Variants in CSTPP1 observed in about 807,000 individuals in gnomAD.
CSTPP1 encodes UPF0705 protein C11orf49.
chr11:47,126,890 G>A, the CSTPP1 span, among the ~76,000 whole-genome samples: 3 of 124,954 alleles, frequency 2.4e-5, no homozygotes, highest in Non-Finnish European at 3.4e-5. Context: ...CCAACATGAC[G>A]CCACCGCACT....
chr11:47,074,976 A>C, the CSTPP1 span, among the ~76,000 whole-genome samples: 1 of 152,218 alleles, frequency 6.6e-6, no homozygotes, highest in Admixed American at 6.5e-5. Context: ...AAGAGTTCAC[A>C]GTCTCGTCTG....
At chr11:46,943,009 T>G in the CSTPP1 span, among the ~76,000 whole-genome samples, 3 of 152,240 alleles carry the variant, frequency 2.0e-5, no homozygotes, top group African/African-American at 7.2e-5. Flanking sequence ...CAAATAAATT[T>G]CTTGGGAACA....
At chr11:47,016,998 A>C in the CSTPP1 span, among the ~76,000 whole-genome samples, 1 of 146,414 alleles carries the variant, frequency 6.8e-6, no homozygotes, top group Non-Finnish European at 1.5e-5. Context: ...GCCCACCACC[A>C]CGCCTGGCTA....
At chr11:47,092,830 C>T in the CSTPP1 span, among the ~76,000 whole-genome samples, 52 of 152,160 alleles carry the variant, frequency 3.4e-4, no homozygotes, top group African/African-American at 1.2e-3. Flanking sequence ...TGGAACAGAC[C>T]CCTTACAATT....
At chr11:46,986,462 C>CT in the CSTPP1 span, among the ~76,000 whole-genome samples, 1 of 128,026 alleles carries the variant, frequency 7.8e-6, no homozygotes, top group African/African-American at 2.9e-5. Flanking sequence ...ACTGAGTTTT[C>CT]TTTTTTTTCT....
the CSTPP1 span, among the ~76,000 whole-genome samples, chr11:47,027,381 G>T: frequency 3.3e-5 from 5 of 152,114 alleles, no homozygotes; most frequent in Non-Finnish European, 7.4e-5. Context: ...GATCCAATGG[G>T]GGGAAGAGTT....
the CSTPP1 span, among the ~76,000 whole-genome samples, chr11:47,094,857 A>T: frequency 6.6e-6 from 1 of 152,164 alleles, no homozygotes; most frequent in Non-Finnish European, 1.5e-5. Context: ...GATGAGAAAG[A>T]AGAGCTGAAT....
chr11:47,084,858 C>A, the CSTPP1 span, among the ~76,000 whole-genome samples: 1 of 151,968 alleles, frequency 6.6e-6, no homozygotes, highest in African/African-American at 2.4e-5. Context: ...TGGTTCATTT[C>A]TACAAAAAAA....
chr11:47,150,116 A>G, the CSTPP1 span, among the ~76,000 whole-genome samples: 1 of 152,046 alleles, frequency 6.6e-6, no homozygotes, highest in African/African-American at 2.4e-5. Flanking sequence ...TAGACTGTCC[A>G]TCAGCCTGAC....
chr11:47,056,021 C>A, the CSTPP1 span, among the ~76,000 whole-genome samples: 2 of 152,206 alleles, frequency 1.3e-5, no homozygotes, highest in Non-Finnish European at 2.9e-5. Flanking sequence ...ACTCAGTCAG[C>A]AAATATTTGT....
the CSTPP1 span, among the ~76,000 whole-genome samples, chr11:46,951,210 T>C: frequency 6.6e-6 from 1 of 152,226 alleles, no homozygotes; most frequent in East Asian, 1.9e-4. Context: ...GAGCCTTCTT[T>C]CCCATTCAGT....
the CSTPP1 span, among the ~76,000 whole-genome samples, chr11:46,940,916 C>T: frequency 6.6e-6 from 1 of 152,148 alleles, no homozygotes; most frequent in Admixed American, 6.6e-5. Context: ...GTCTCAAAGG[C>T]TTGGCAGATT....
At chr11:47,154,941 G>C in the CSTPP1 span, 1 of 585,602 alleles carries the variant, frequency 1.7e-6, no homozygotes, top group Non-Finnish European at 3.1e-6. Context: ...GTACAGTGTG[G>C]TCAGTTCAGT....
At chr11:47,137,583 A>G in the CSTPP1 span, 3 of 1,612,352 alleles carry the variant, frequency 1.9e-6, no homozygotes, top group Non-Finnish European at 2.5e-6. Context: ...TGAAATGAAC[A>G]AAAAGAGGGC....
chr11:46,997,424 T>C, the CSTPP1 span, among the ~76,000 whole-genome samples: 24,498 of 152,174 alleles, frequency 0.16, 6,647 homozygotes, highest in African/African-American at 0.56. Context: ...TTAAGGTCTT[T>C]TCTACACTGG....
the CSTPP1 span, among the ~76,000 whole-genome samples, chr11:47,030,154 A>T: frequency 6.6e-6 from 1 of 152,104 alleles, no homozygotes; most frequent in African/African-American, 2.4e-5. Flanking sequence ...AACAAAAAAA[A>T]CCTATCAGAA....
At chr11:47,067,811 A>G in the CSTPP1 span, among the ~76,000 whole-genome samples, 2 of 152,240 alleles carry the variant, frequency 1.3e-5, no homozygotes, top group Non-Finnish European at 2.9e-5. Context: ...TCTTCTTTTT[A>G]ACTCACAGTT....
chr11:46,957,471 C>T, the CSTPP1 span, among the ~76,000 whole-genome samples: 3 of 152,084 alleles, frequency 2.0e-5, no homozygotes, highest in South Asian at 2.1e-4. Context: ...AGTTTAGATA[C>T]ATATAAAATT....
the CSTPP1 span, chr11:47,157,923 G>T: frequency 1.2e-6 from 2 of 1,612,412 alleles, no homozygotes. Flanking sequence ...CAAGCCCTCG[G>T]TAAGTCAGAG....
Sources: allele counts gnomAD v4.1 joint callset (sites outside exome capture counted in the v4.1 genomes callset), GRCh38; gene constraint gnomAD v4.1.1; transcripts MANE v1.5; gene names NCBI Gene and HGNC (gene_info 2026-07-23, HGNC 2026-07-21).